The following MCC variants were observed in gnomAD, a reference collection of about 807,000 sequenced individuals.
MCC encodes the protein colorectal mutant cancer protein.
MCC carries 90 observed loss-of-function variants against 116.2 expected under a neutral mutation model. That is an observed-to-expected ratio of 0.77 (90% CI 0.65 to 0.92). The LOEUF (loss-of-function observed/expected upper bound fraction) is 0.92, where lower values mean the gene tolerates loss of function less well. MCC is among the 40% of genes least tolerant of loss of function. The pLI, the probability that MCC is intolerant of heterozygous loss-of-function variation, is 0.00. For missense variants in MCC, 1,516 were observed against 1,312.2 expected, an observed-to-expected ratio of 1.16 and a Z score of -2.40; for synonymous variants, 578 against 510.5, an observed-to-expected ratio of 1.13 and a Z score of -1.78.
intron 3 of MCC, among the ~76,000 whole-genome samples, chr5:113,151,673 G>C (rs1260642205): frequency 6.6e-6 from 1 of 152,154 alleles, no homozygotes; most frequent in African/African-American, 2.4e-5. Flanking sequence ...GGTATAATCA[G>C]GCCAGAGAAC....
At chr5:113,067,146 A>C (rs1753669379) in intron 13 of MCC, among the ~76,000 whole-genome samples, 1 of 152,126 alleles carries the variant, frequency 6.6e-6, no homozygotes, top group African/African-American at 2.4e-5. Context: ...ACCTTACTCA[A>C]AATTGAGGGA....
chr5:113,428,106 G>A (rs1015505656), intron 1 of MCC, among the ~76,000 whole-genome samples: 1 of 152,062 alleles, frequency 6.6e-6, no homozygotes, highest in Non-Finnish European at 1.5e-5. Flanking sequence ...GGAAACGTAG[G>A]GCATTTTAAT....
At chr5:113,370,465 C>A (rs1438587588) in intron 2 of MCC, among the ~76,000 whole-genome samples, 1 of 152,114 alleles carries the variant, frequency 6.6e-6, no homozygotes, top group Non-Finnish European at 1.5e-5. Flanking sequence ...TGGGTACTAG[C>A]CCAATCCTAT....
At chr5:113,377,623 T>C (rs1769018744) in intron 2 of MCC, among the ~76,000 whole-genome samples, 1 of 152,028 alleles carries the variant, frequency 6.6e-6, no homozygotes, top group Non-Finnish European at 1.5e-5. Context: ...ATCTGAGAAG[T>C]ATGAAGAGAA....
intron 14 of MCC, among the ~76,000 whole-genome samples, chr5:113,054,760 G>C (rs764952467): frequency 2.2e-4 from 34 of 152,304 alleles, no homozygotes; most frequent in Non-Finnish European, 4.6e-4. Flanking sequence ...GGTGAATGGT[G>C]ACCAGGCAGG....
intron 2 of MCC, among the ~76,000 whole-genome samples, chr5:113,383,241 A>G (rs1554080156): frequency 6.6e-6 from 1 of 152,192 alleles, no homozygotes; most frequent in Non-Finnish European, 1.5e-5. Flanking sequence ...GTGTTCCACA[A>G]TGTACTTAAC....
chr5:113,101,996 G>A, intron 7 of MCC, 51 bp from the exon 8 acceptor site: 1 of 1,570,970 alleles, frequency 6.4e-7, no homozygotes, highest in African/African-American at 1.3e-5. Context: ...TTGGAGAAAG[G>A]GGATAGGAAG....
At chr5:113,169,833 C>T (rs532882021) in intron 3 of MCC, among the ~76,000 whole-genome samples, 2 of 152,172 alleles carry the variant, frequency 1.3e-5, no homozygotes, top group Non-Finnish European at 2.9e-5. Context: ...TGCCTCATTT[C>T]TTTAATAGTA....
At chr5:113,433,835 C>T (rs1163024592) in intron 1 of MCC, 2 of 1,613,900 alleles carry the variant, frequency 1.2e-6, no homozygotes, top group Non-Finnish European at 1.7e-6. Context: ...ACTGCCTGGA[C>T]ATTTGCATTG....
At position 113,151,310 on chromosome 5, in the gene MCC, T is replaced by C. The variant is rs771333897; in HGVS notation, c.740A>G (p.Gln247Arg). 3.1e-6 allele frequency: 5 copies of C among 1,604,388 alleles called. No individual in the cohort carries two copies. The highest frequency in any genetic ancestry group is 1.7e-4 in the Middle Eastern group (1 of 6,036). The change falls in exon 4 of 19, where the codon CAG becomes CGG. Residue 247 changes from glutamine (Q) to arginine (R), a missense_variant and splice_region_variant. By Grantham distance (43) the Gln-to-Arg change is conservative. Coordinates refer to ENST00000408903, the MANE Select transcript of MCC (RefSeq NM_001085377.2). ...DLLEKKLAKA[Q>R]CEQSHLMREH... is the part of the protein sequence containing the mutation. ...TAAAAACCTTTCCAGATCCCTTACCTGTGCCTTGGCCAATTTCTTTTCCAG... is the reference window on the plus strand; with the variant it reads ...TAAAAACCTTTCCAGATCCCTTACCCGTGCCTTGGCCAATTTCTTTTCCAG...
chr5:113,100,519 T>G (rs1485616194), intron 8 of MCC, among the ~76,000 whole-genome samples: 4 of 127,460 alleles, frequency 3.1e-5, no homozygotes, highest in Non-Finnish European at 6.2e-5. Flanking sequence ...TCGCCCAGGC[T>G]GGAGTGCAGT....
rs549879843 is a variant in MCC at position 113,155,791 on chromosome 5, A to G, written c.628-4369T>C. On this transcript the variant is annotated intron_variant, in intron 3 of 18. Coordinates refer to ENST00000408903, the MANE Select transcript of MCC (RefSeq NM_001085377.2). ...AGAGTCTGTGCTAGTGTCTTCCTCA[A>G]CACATATTTCTCTTCATACTCAGGA... 2.0e-5 allele frequency among the ~76,000 whole-genome samples: 3 copies of G among 152,336 alleles called. 1 individual carries two copies. Among genetic ancestry groups the G allele is most frequent in the African/African-American group, 7.2e-5 (3 of 41,578 alleles).
chr5:113,239,740 G>A (rs2150338452), intron 3 of MCC, among the ~76,000 whole-genome samples: 1 of 152,284 alleles, frequency 6.6e-6, no homozygotes, highest in Non-Finnish European at 1.5e-5. Context: ...GGCAACTATG[G>A]TATATACACT....
chr5:113,215,580 G>A (rs997215156), intron 3 of MCC, among the ~76,000 whole-genome samples: 10 of 152,098 alleles, frequency 6.6e-5, no homozygotes, highest in African/African-American at 2.2e-4. Flanking sequence ...GGGGGAGGGC[G>A]GTTCGGCTGA....
At chr5:113,106,569 C>G (rs1756744856) in intron 6 of MCC, among the ~76,000 whole-genome samples, 1 of 152,054 alleles carries the variant, frequency 6.6e-6, no homozygotes, top group Non-Finnish European at 1.5e-5. Context: ...GAGACAGGGT[C>G]TTGCTCTGTT....
chr5:113,027,630 T>C, intron 18 of MCC, 148 bp from the exon 19 acceptor site: 1 of 765,514 alleles, frequency 1.3e-6, no homozygotes, highest in Non-Finnish European at 2.1e-6. Flanking sequence ...AATCTAGTGG[T>C]CAGAGGAGGG....
At chr5:113,426,443 C>A (rs1413221999) in intron 1 of MCC, among the ~76,000 whole-genome samples, 1 of 152,184 alleles carries the variant, frequency 6.6e-6, no homozygotes, top group Non-Finnish European at 1.5e-5. Flanking sequence ...TGTATCCACA[C>A]AATGTAATAG....
In MCC at chr5:113,246,461, C is replaced by G. The variant is rs539260576; in HGVS notation, c.627+94058G>C. On this transcript the variant is annotated intron_variant, in intron 3 of 18. Transcript: ENST00000408903. ...TGAAACTTAAGGGAGGAATTTCAGC[C>G]ACGGCTCTAGGGCGAGGGGTTGTGT... Among the ~76,000 whole-genome samples, 5 of 152,228 alleles carry G rather than the reference C, an allele frequency of 3.3e-5. No homozygotes were observed. In the East Asian group the frequency reaches 9.6e-4, roughly 29 times the overall value.
intron 6 of MCC, among the ~76,000 whole-genome samples, chr5:113,108,652 CA>C (rs58617659): frequency 0.87 from 100,707 of 115,408 alleles, 44,125 homozygotes; most frequent in Non-Finnish European, 0.96. Context: ...GACTCCATTT[CA>C]AAAAAAAAAA....
Sources: allele counts gnomAD v4.1 joint callset (sites outside exome capture counted in the v4.1 genomes callset), GRCh38; gene constraint gnomAD v4.1.1; transcripts MANE v1.5; gene names NCBI Gene and HGNC (gene_info 2026-07-23, HGNC 2026-07-21).